PPM1L: variants seen among roughly 807,000 people sequenced by gnomAD.
The protein encoded by PPM1L is protein phosphatase 1L.
A neutral mutation model predicts 31.4 loss-of-function variants in PPM1L; 13 were observed. The observed-to-expected ratio is 0.41, with a 90% CI of 0.27 to 0.66. The LOEUF (loss-of-function observed/expected upper bound fraction) is 0.66, where lower values mean the gene tolerates loss of function less well. Among genes scored for constraint, PPM1L ranks in the 30% least tolerant of loss-of-function variants. The pLI is 0.29. For missense variants in PPM1L, 326 were observed against 453.7 expected (o/e 0.72, Z 2.56); for synonymous variants, 184 against 175.4 (o/e 1.05, Z -0.39).
intron 1 of PPM1L, among the ~76,000 whole-genome samples, chr3:160,801,603 C>T (rs1203029010): frequency 6.6e-6 from 1 of 152,214 alleles, no homozygotes; most frequent in Non-Finnish European, 1.5e-5. Flanking sequence ...TGGCATAGCA[C>T]AGTCCTCCAG....
chr3:160,836,532 T>C (rs370416660), intron 1 of PPM1L, among the ~76,000 whole-genome samples: 3 of 152,210 alleles, frequency 2.0e-5, no homozygotes, highest in African/African-American at 7.2e-5. Flanking sequence ...CTCTAAAATT[T>C]TGGTATCACT....
At chr3:160,910,695 A>T (rs1713943171) in intron 1 of PPM1L, among the ~76,000 whole-genome samples, 1 of 152,106 alleles carries the variant, frequency 6.6e-6, no homozygotes. Flanking sequence ...TCCTGAATCT[A>T]ATTTATTTAT....
intron 1 of PPM1L, among the ~76,000 whole-genome samples, chr3:160,878,254 T>G (rs1025298376): frequency 2.6e-5 from 4 of 152,172 alleles, no homozygotes; most frequent in Non-Finnish European, 5.9e-5. Flanking sequence ...AGAGCTCTAC[T>G]GAGAAGGCAT....
intron 2 of PPM1L, among the ~76,000 whole-genome samples, chr3:161,060,855 C>T (rs2108106440): frequency 6.6e-6 from 1 of 151,376 alleles, no homozygotes; most frequent in Non-Finnish European, 1.5e-5. Context: ...ATGGAAATAT[C>T]CTGAGGTTCA....
intron 1 of PPM1L, among the ~76,000 whole-genome samples, chr3:160,914,748 A>G (rs1383904289): frequency 6.6e-6 from 1 of 152,104 alleles, no homozygotes; most frequent in African/African-American, 2.4e-5. Flanking sequence ...CGCACTAAAC[A>G]TATGTGTGCA....
chr3:160,959,098 C>T (rs1715872715), intron 1 of PPM1L, among the ~76,000 whole-genome samples: 1 of 152,088 alleles, frequency 6.6e-6, no homozygotes, highest in African/African-American at 2.4e-5. Context: ...GTATATACAC[C>T]ATGGTATGCT....
intron 1 of PPM1L, among the ~76,000 whole-genome samples, chr3:160,810,012 T>A (rs1198782309): frequency 6.6e-6 from 1 of 152,088 alleles, no homozygotes; most frequent in Admixed American, 6.5e-5. Flanking sequence ...ATGTAAAATA[T>A]CTAGCGTGCT....
At chr3:160,865,261 G>A (rs1177276641) in intron 1 of PPM1L, among the ~76,000 whole-genome samples, 2 of 152,028 alleles carry the variant, frequency 1.3e-5, no homozygotes, top group African/African-American at 4.8e-5. Flanking sequence ...CATGAAATAT[G>A]CAAATAAGGC....
At chr3:160,786,151 CTCTCTCTGTG>C (rs1223481617) in intron 1 of PPM1L, among the ~76,000 whole-genome samples, 14 of 85,660 alleles carry the variant, frequency 1.6e-4, no homozygotes, top group African/African-American at 1.2e-3. Flanking sequence ...CTCTCTCTCT[CTCTCTCTGTG>C]TGTGTGTGTG....
intron 1 of PPM1L, among the ~76,000 whole-genome samples, chr3:160,961,194 G>C (rs1244818860): frequency 6.6e-6 from 1 of 152,168 alleles, no homozygotes; most frequent in Non-Finnish European, 1.5e-5. Flanking sequence ...AAGGGGCATT[G>C]TCTTAAATCT....
At chr3:160,806,365 G>A (rs566522999) in intron 1 of PPM1L, among the ~76,000 whole-genome samples, 1 of 152,220 alleles carries the variant, frequency 6.6e-6, no homozygotes, top group South Asian at 2.1e-4. Flanking sequence ...ATGCCCCCCT[G>A]CAGAGCACCC....
intron 1 of PPM1L, among the ~76,000 whole-genome samples, chr3:160,954,231 A>T (rs756020392): frequency 3.3e-5 from 5 of 152,178 alleles, no homozygotes; most frequent in Admixed American, 6.5e-5. Context: ...GTTTTATTTT[A>T]TAGAATTTGG....
At chr3:161,000,922 G>A (rs1440123564) in intron 2 of PPM1L, among the ~76,000 whole-genome samples, 1 of 152,136 alleles carries the variant, frequency 6.6e-6, no homozygotes, top group African/African-American at 2.4e-5. Context: ...GCTATACTGA[G>A]TGCTTTCTTT....
intron 1 of PPM1L, among the ~76,000 whole-genome samples, chr3:160,943,917 C>T (rs567462600): frequency 2.0e-5 from 3 of 152,082 alleles, no homozygotes; most frequent in Non-Finnish European, 4.4e-5. Flanking sequence ...CAGGTACTAC[C>T]TTGGGGAATA....
Position 160,926,906 on chromosome 3 carries a change from C to T in PPM1L, c.400-34830C>T, listed in dbSNP as rs572846462. ...CTCTTTAAGAGGCAAGGCACTTGTG[C>T]GTGTTTTATTTCAAGTATATTCCAA... is the stretch of plus-strand genomic sequence containing the variant. On this transcript the variant is annotated intron_variant, in intron 1 of 3. Coordinates refer to ENST00000498165, the MANE Select transcript of PPM1L (RefSeq NM_139245.4). Among the ~76,000 whole-genome samples the T allele has an allele frequency of 8.5e-4, 130 of 152,258 alleles. 1 individual carries two copies. The highest frequency in any genetic ancestry group is 2.9e-3 in the African/African-American group (120 of 41,554).
intron 2 of PPM1L, among the ~76,000 whole-genome samples, chr3:160,972,735 A>C (rs1019757355): frequency 2.0e-5 from 3 of 152,144 alleles, no homozygotes; most frequent in Non-Finnish European, 4.4e-5. Context: ...TGGCTGGGTC[A>C]AATGGTATTT....
chr3:161,049,335 A>G (rs1271007612), intron 2 of PPM1L, among the ~76,000 whole-genome samples: 2 of 152,088 alleles, frequency 1.3e-5, no homozygotes, highest in African/African-American at 2.4e-5. Flanking sequence ...CAAAAACAAG[A>G]AACTTTCTGA....
intron 1 of PPM1L, among the ~76,000 whole-genome samples, chr3:160,804,154 G>A (rs1370333939): frequency 3.3e-5 from 5 of 151,116 alleles, no homozygotes; most frequent in Non-Finnish European, 4.4e-5. Flanking sequence ...GGATGGTCTC[G>A]ATCTCCTGAT....
intron 1 of PPM1L, among the ~76,000 whole-genome samples, chr3:160,917,222 T>C (rs1440338942): frequency 6.6e-6 from 1 of 152,218 alleles, no homozygotes; most frequent in African/African-American, 2.4e-5. Flanking sequence ...AATTAATTAG[T>C]GGGACAAATT....
Sources: gnomAD v4.1 joint callset for allele counts (sites outside exome capture counted in the v4.1 genomes callset) on GRCh38, gnomAD v4.1.1 for gene constraint, MANE v1.5 for transcripts, NCBI Gene and HGNC (gene_info 2026-07-23, HGNC 2026-07-21) for gene names.